CCDC171: variants seen among roughly 807,000 people sequenced by gnomAD.
The protein encoded by CCDC171 is coiled-coil domain containing 171.
A neutral mutation model predicts 168.2 loss-of-function variants in CCDC171; 177 were observed. That is an observed-to-expected ratio of 1.05 (90% CI 0.93 to 1.19). CCDC171 has a LOEUF of 1.19. Among genes scored for constraint, CCDC171 ranks in the 50% most tolerant of loss-of-function variants. The pLI is 0.00. For missense variants in CCDC171, 1,991 were observed against 1,539.0 expected (o/e 1.29, Z -4.91); for synonymous variants, 687 against 540.8 (o/e 1.27, Z -3.75).
intron 6 of CCDC171, among the ~76,000 whole-genome samples, chr9:15,612,304 A>T (rs1386297452): frequency 6.6e-6 from 1 of 152,192 alleles, no homozygotes; most frequent in Admixed American, 6.5e-5. Context: ...CTGAAACCTA[A>T]GTCATTATCA....
At chr9:15,835,615 C>T (rs945474173) in intron 21 of CCDC171, among the ~76,000 whole-genome samples, 10 of 152,046 alleles carry the variant, frequency 6.6e-5, no homozygotes, top group Admixed American at 6.6e-4. Flanking sequence ...TTAGTAGAGA[C>T]AGGGTTTCAC....
the CCDC171 span, among the ~76,000 whole-genome samples, chr9:16,086,412 A>G: frequency 1.8e-3 from 273 of 150,190 alleles, no homozygotes; most frequent in African/African-American, 6.3e-3. Context: ...GGTTCAGGTG[A>G]TTCTCCTGCC....
intron 2 of CCDC171, among the ~76,000 whole-genome samples, chr9:15,570,007 G>C (rs533586670): frequency 1.1e-4 from 17 of 151,430 alleles, no homozygotes; most frequent in African/African-American, 3.1e-4. Context: ...TTTTGCTCTT[G>C]TTGCCCAGGG....
chr9:16,023,132 C>T (rs569071864), intron 6 of CCDC171, among the ~76,000 whole-genome samples: 7 of 151,884 alleles, frequency 4.6e-5, no homozygotes, highest in East Asian at 1.9e-4. Flanking sequence ...CTCACTCTGT[C>T]GCCCAGGCTG....
At position 15,695,991 on chromosome 9, in the gene CCDC171, G is replaced by C. The variant is rs866536560; in HGVS notation, c.1318+654G>C. On this transcript the variant is annotated intron_variant, in intron 11 of 25. Transcript: ENST00000380701. Reference sequence around the variant, plus strand: ...ACTATTTCTACTTTCTTAGTGTTTTGTGTTTATGTTATTATGTGTGCTATA... The same window carrying C: ...ACTATTTCTACTTTCTTAGTGTTTTCTGTTTATGTTATTATGTGTGCTATA... 3.3e-5 allele frequency among the ~76,000 whole-genome samples: 5 copies of C among 152,240 alleles called. No homozygotes were observed. In the South Asian group the frequency reaches 6.2e-4, roughly 19 times the overall value.
At chr9:15,649,638 A>G (rs1212908625) in intron 7 of CCDC171, among the ~76,000 whole-genome samples, 1 of 152,234 alleles carries the variant, frequency 6.6e-6, no homozygotes, top group Non-Finnish European at 1.5e-5. Flanking sequence ...GCCAACAGAC[A>G]CATGAAAAAA....
At chr9:15,979,041 T>G (rs1831709511) in intron 3 of CCDC171, among the ~76,000 whole-genome samples, 1 of 152,178 alleles carries the variant, frequency 6.6e-6, no homozygotes, top group Non-Finnish European at 1.5e-5. Context: ...TTTTCCAGGT[T>G]TGTTCATACG....
At chr9:15,770,070 T>A (rs1297314329) in intron 18 of CCDC171, among the ~76,000 whole-genome samples, 1 of 152,194 alleles carries the variant, frequency 6.6e-6, no homozygotes, top group Non-Finnish European at 1.5e-5. Context: ...AATTCTGGTA[T>A]TTTTTGTGAG....
chr9:15,665,730 A>G (rs1459077716), intron 8 of CCDC171, among the ~76,000 whole-genome samples: 2 of 152,358 alleles, frequency 1.3e-5, no homozygotes, highest in African/African-American at 4.8e-5. Context: ...GCAGTGAGCT[A>G]TGATCACACT....
At chr9:15,747,807 G>C (rs944079006) in intron 18 of CCDC171, among the ~76,000 whole-genome samples, 65 of 152,162 alleles carry the variant, frequency 4.3e-4, no homozygotes, top group African/African-American at 1.5e-3. Flanking sequence ...AGAGCAGAAA[G>C]GCTGCAAATT....
chr9:15,806,946 A>G (rs2059110800), intron 21 of CCDC171, among the ~76,000 whole-genome samples: 1 of 151,652 alleles, frequency 6.6e-6, no homozygotes, highest in Admixed American at 6.6e-5. Context: ...CTTTGTTTTC[A>G]TCTGTCTTAT....
In CCDC171 at chr9:15,749,630, C is replaced by A. The variant is rs574782096; in HGVS notation, c.2671+3999C>A. ...AAATCACAACAAACTGTCTCTCAGA[C>A]CACACTGCAATCAAACTAGAACTCA... On this transcript the variant is annotated intron_variant, in intron 18 of 25. Transcript: ENST00000380701. Among the ~76,000 whole-genome samples the A allele has an allele frequency of 2.0e-5, 3 of 152,292 alleles. No individual in the cohort carries two copies. The South Asian group carries it at 6.2e-4, about 32-fold the overall frequency.
chr9:15,798,190 T>C (rs1439114653), intron 21 of CCDC171, among the ~76,000 whole-genome samples: 1 of 152,192 alleles, frequency 6.6e-6, no homozygotes, highest in Non-Finnish European at 1.5e-5. Flanking sequence ...TTGTAAGATA[T>C]TAAGTTTACT....
intron 21 of CCDC171, among the ~76,000 whole-genome samples, chr9:15,793,291 G>T (rs2058367821): frequency 6.6e-6 from 1 of 151,876 alleles, no homozygotes; most frequent in African/African-American, 2.4e-5. Flanking sequence ...AAATATATAT[G>T]CACCCAATAC....
rs954484500 is a variant in CCDC171, at chr9:15,591,383, C to G, written c.370C>G (p.Gln124Glu). 3 of 1,599,486 alleles carry G rather than the reference C, an allele frequency of 1.9e-6. No individual in the cohort carries two copies. Among genetic ancestry groups the G allele is most frequent in the African/African-American group, 2.7e-5 (2 of 73,742 alleles). ...CTTAATAGCACAGAATTCAGAACTT[C>G]AAGCAAAGACAAATGAGACTGAGAA... is the stretch of plus-strand genomic sequence containing the variant. ...EKLCAQNSEL[Q>E]AKTNETEKAF... The change falls in exon 5 of 26, where the codon CAA (glutamine) becomes GAA (glutamate). Residue 124 changes from glutamine (Q) to glutamate (E), a missense_variant. Physicochemically the swap from Gln to Glu is conservative, Grantham distance 29. Transcript: ENST00000380701.
chr9:15,933,418 T>C (rs1375722761), intron 25 of CCDC171, among the ~76,000 whole-genome samples: 1 of 151,908 alleles, frequency 6.6e-6, no homozygotes, highest in East Asian at 1.9e-4. Flanking sequence ...TTAGTCTTGC[T>C]AAAGGTTTGT....
chr9:15,899,215 C>T (rs1035598317), intron 24 of CCDC171, among the ~76,000 whole-genome samples: 1 of 147,038 alleles, frequency 6.8e-6, no homozygotes, highest in African/African-American at 2.7e-5. Flanking sequence ...ATGGATGTAT[C>T]ACAGTTTGTT....
chr9:16,026,559 G>A (rs532147637), intron 6 of CCDC171, among the ~76,000 whole-genome samples: 7 of 152,152 alleles, frequency 4.6e-5, no homozygotes, highest in Non-Finnish European at 7.4e-5. Flanking sequence ...TCCTCAATAC[G>A]GAACTTGTGA....
At chr9:16,033,013 C>A (rs371735483) in intron 6 of CCDC171, among the ~76,000 whole-genome samples, 34 of 152,234 alleles carry the variant, frequency 2.2e-4, no homozygotes, top group African/African-American at 7.0e-4. Context: ...CACATTCTCA[C>A]CTGCTGGCCA....
Sources: gnomAD v4.1 joint callset for allele counts (sites outside exome capture counted in the v4.1 genomes callset) on GRCh38, gnomAD v4.1.1 for gene constraint, MANE v1.5 for transcripts, NCBI Gene and HGNC (gene_info 2026-07-23, HGNC 2026-07-21) for gene names.